ADARB2: variants seen among roughly 807,000 people sequenced by gnomAD.
The protein encoded by ADARB2 is inactive double-stranded RNA-specific editase B2.
A neutral mutation model predicts 62.2 loss-of-function variants in ADARB2; 25 were observed. The ratio of observed to expected loss-of-function variants is 0.40; its 90% CI spans 0.29 to 0.56. The LOEUF is 0.56. Ranked by LOEUF, ADARB2 falls within the 20% of genes least tolerant of loss-of-function variation. The pLI is 0.43. For missense variants in ADARB2, 1,071 were observed against 1,077.4 expected (o/e 0.99, Z 0.08); for synonymous variants, 572 against 500.8 (o/e 1.14, Z -1.90).
At chr10:1,454,262 A>G (rs934245073) in intron 1 of ADARB2, among the ~76,000 whole-genome samples, 1 of 152,288 alleles carries the variant, frequency 6.6e-6, no homozygotes, top group South Asian at 2.1e-4. Flanking sequence ...GTTACCTCCC[A>G]CTGGGTTGCT....
At position 1,342,925 on chromosome 10, in the gene ADARB2, T is replaced by C. The variant is rs1441298065; in HGVS notation, c.1077+20103A>G. Among the ~76,000 whole-genome samples, 35 of 152,246 alleles carry C rather than the reference T, an allele frequency of 2.3e-4. 1 individual carries two copies. Among genetic ancestry groups the C allele is most frequent in the Admixed American group, 2.2e-3 (33 of 15,290 alleles). On this transcript the variant is annotated intron_variant, in intron 3 of 9. Transcript: ENST00000381312. ...AGAAAGTGATCTCCAAATTGGGGAA[T>C]GCACAAAAGTTGGAGAAAAATGTTG...
At chr10:1,631,087 G>A (rs942091101) in intron 1 of ADARB2, among the ~76,000 whole-genome samples, 3 of 152,170 alleles carry the variant, frequency 2.0e-5, no homozygotes, top group Non-Finnish European at 4.4e-5. Context: ...GGGAAGAGTG[G>A]CCTGTGAACC....
rs61671460 is a variant in ADARB2, at chr10:1,514,178, AAT to A, written c.101-135020_101-135019del. 3.4e-3 allele frequency among the ~76,000 whole-genome samples: 317 copies of A among 94,142 alleles called. 32 individuals carry two copies. Among genetic ancestry groups the A allele is most frequent in the Middle Eastern group, 0.014 (2 of 146 alleles). The allele number at this position is 94,142 out of a possible 152,430, so 61.8% of individuals were successfully genotyped here. A position where few individuals can be genotyped will look rare whatever the true frequency, so the allele number is the denominator to read the frequency against. ...GTGACAGTGTGAGACGCTGTCTCAAAATATATATATATATATATGTATATTAT... is the reference window on the plus strand; with the variant it reads ...GTGACAGTGTGAGACGCTGTCTCAAAATATATATATATATATGTATATTAT... On this transcript the variant is annotated intron_variant, in intron 1 of 9. Transcript: ENST00000381312.
chr10:1,185,400 C>T (rs749325631), intron 8 of ADARB2, among the ~76,000 whole-genome samples: 1 of 152,224 alleles, frequency 6.6e-6, no homozygotes, highest in Non-Finnish European at 1.5e-5. Context: ...TATCAGGCAC[C>T]TTTGCAGGCC....
chr10:1,420,653 G>A (rs1020378428), intron 1 of ADARB2, among the ~76,000 whole-genome samples: 1 of 150,626 alleles, frequency 6.6e-6, no homozygotes, highest in Non-Finnish European at 1.5e-5. Flanking sequence ...GAAATAGCTC[G>A]GCTGAGAAAC....
intron 1 of ADARB2, among the ~76,000 whole-genome samples, chr10:1,401,692 G>T (rs1832664863): frequency 6.6e-6 from 1 of 152,144 alleles, no homozygotes; most frequent in Admixed American, 6.5e-5. Context: ...CGGTTTGGGA[G>T]TGGGGTCCAG....
At position 1,182,879 on chromosome 10, in the gene ADARB2, C is replaced by A. The variant is rs960176590; in HGVS notation, c.*314G>T. ...CTCCTGCCTGGTGTCGTGTCGGTGC[C>A]TCCTTCCAAGGCTGCAGCTAAAACC... On this transcript the variant is annotated 3_prime_UTR_variant, in exon 10 of 10. Coordinates refer to ENST00000381312, the MANE Select transcript of ADARB2 (RefSeq NM_018702.4). 7.0e-6 allele frequency: 2 copies of A among 286,364 alleles called. No homozygotes were observed. Among genetic ancestry groups the A allele is most frequent in the Non-Finnish European group, 6.6e-6 (1 of 150,478 alleles). 17.7% of individuals were successfully genotyped at this position (286,364 alleles called of 1,614,324 possible). A position where few individuals can be genotyped will look rare whatever the true frequency, so the allele number is the denominator to read the frequency against.
intron 1 of ADARB2, chr10:1,535,559 A>G (rs1292406257): frequency 6.0e-6 from 1 of 167,274 alleles, no homozygotes; most frequent in Non-Finnish European, 1.5e-5. Context: ...ATGGTGATTT[A>G]TAACATCAAA....
intron 1 of ADARB2, among the ~76,000 whole-genome samples, chr10:1,615,452 C>T (rs1044618233): frequency 5.9e-5 from 9 of 152,206 alleles, no homozygotes; most frequent in African/African-American, 1.7e-4. Flanking sequence ...GCCCAGGATG[C>T]GCGGTATGGT....
At chr10:1,331,952 T>G (rs1181543708) in intron 3 of ADARB2, among the ~76,000 whole-genome samples, 1 of 152,220 alleles carries the variant, frequency 6.6e-6, no homozygotes, top group Non-Finnish European at 1.5e-5. Flanking sequence ...GGTGGCTATT[T>G]GAACAGTTTG....
In ADARB2 at chr10:1,313,436, G is replaced by A. The variant is rs146866402; in HGVS notation, c.1078-42367C>T. On this transcript the variant is annotated intron_variant, in intron 3 of 9. Coordinates refer to ENST00000381312, the MANE Select transcript of ADARB2 (RefSeq NM_018702.4). ...GAGTGCCAGGCACTGGGAACTAAGT[G>A]GTGGAACTGGGACTGCCCATTCCAA... is the stretch of plus-strand genomic sequence containing the variant. Among the ~76,000 whole-genome samples the A allele has an allele frequency of 4.6e-3, 699 of 152,346 alleles. 10 individuals carry two copies. The highest frequency in any genetic ancestry group is 0.015 in the African/African-American group (643 of 41,584).
intron 3 of ADARB2, among the ~76,000 whole-genome samples, chr10:1,299,544 T>G (rs75221603): frequency 0.045 from 6,795 of 151,986 alleles, 165 homozygotes; most frequent in African/African-American, 0.056. Context: ...AACTCTGCCC[T>G]GGCTGATCGC....
chr10:1,698,080 T>C (rs921687600), intron 1 of ADARB2, among the ~76,000 whole-genome samples: 2 of 152,194 alleles, frequency 1.3e-5, no homozygotes, highest in Non-Finnish European at 2.9e-5. Context: ...AATCAACATC[T>C]CTACCTCTCC....
intron 1 of ADARB2, among the ~76,000 whole-genome samples, chr10:1,530,588 G>A (rs61831924): frequency 0.17 from 25,865 of 152,150 alleles, 2,755 homozygotes; most frequent in Non-Finnish European, 0.23. Flanking sequence ...CTGTTCATCA[G>A]CCTCGTCCGC....
intron 4 of ADARB2, among the ~76,000 whole-genome samples, chr10:1,257,859 G>A (rs1055395448): frequency 1.3e-5 from 2 of 152,082 alleles, no homozygotes; most frequent in African/African-American, 4.8e-5. Context: ...TTAAATATGG[G>A]GTCTACTGGG....
At position 1,619,433 on chromosome 10, in the gene ADARB2, G is replaced by A. The variant is rs561030733; in HGVS notation, c.100+117618C>T. 6.2e-3 allele frequency among the ~76,000 whole-genome samples: 950 copies of A among 152,184 alleles called. 17 individuals carry two copies. The highest frequency in any genetic ancestry group is 0.022 in the African/African-American group (904 of 41,510). Reference sequence around the variant, plus strand: ...AACTCAATCTATTTAACAAAAATAAGCACTTCATGTAATAACTGCAGAACA... The same window carrying A: ...AACTCAATCTATTTAACAAAAATAAACACTTCATGTAATAACTGCAGAACA... On this transcript the variant is annotated intron_variant, in intron 1 of 9. Coordinates refer to ENST00000381312, the MANE Select transcript of ADARB2 (RefSeq NM_018702.4).
chr10:1,218,307 T>G (rs1830649945), intron 6 of ADARB2, among the ~76,000 whole-genome samples: 1 of 152,148 alleles, frequency 6.6e-6, no homozygotes, highest in Non-Finnish European at 1.5e-5. Context: ...CACCTCCGCC[T>G]CCCAAAGTGC....
chr10:1,403,343 CTCTT>C (rs1303526390), intron 1 of ADARB2, among the ~76,000 whole-genome samples: 1 of 152,148 alleles, frequency 6.6e-6, no homozygotes, highest in Non-Finnish European at 1.5e-5. Context: ...ATCACGATGT[CTCTT>C]TCAGTCATTG....
intron 1 of ADARB2, among the ~76,000 whole-genome samples, chr10:1,543,299 C>T (rs575365194): frequency 1.3e-5 from 2 of 152,206 alleles, no homozygotes; most frequent in African/African-American, 2.4e-5. Flanking sequence ...CTGTGAAGGG[C>T]GTCCTCCAGG....
Sources: allele counts gnomAD v4.1 joint callset (sites outside exome capture counted in the v4.1 genomes callset), GRCh38; gene constraint gnomAD v4.1.1; transcripts MANE v1.5; gene names NCBI Gene and HGNC (gene_info 2026-07-23, HGNC 2026-07-21).